The following TMPRSS9 variants were observed in gnomAD, a reference collection of about 807,000 sequenced individuals.
TMPRSS9 encodes transmembrane serine protease 9.
TMPRSS9 carries 113 observed loss-of-function variants against 111.4 expected under a neutral mutation model. The ratio of observed to expected loss-of-function variants is 1.01; its 90% confidence interval spans 0.87 to 1.19. The LOEUF (loss-of-function observed/expected upper bound fraction) is 1.19. TMPRSS9 is among the 50% of genes most tolerant of loss of function. TMPRSS9 has a pLI of 0.00. For synonymous variants in TMPRSS9, 805 were observed against 659.1 expected (o/e 1.22, Z -3.39); for missense variants, 1,803 against 1,513.1 (o/e 1.19, Z -3.18).
At chr19:2,401,080 C>T (rs1011279380) in intron 4 of TMPRSS9, among the ~76,000 whole-genome samples, 11 of 150,610 alleles carry the variant, frequency 7.3e-5, no homozygotes, top group Non-Finnish European at 1.2e-4. Flanking sequence ...CGAGACCATC[C>T]TGGCTAACAC....
chr19:2,386,023 C>T (rs968312479), upstream of TMPRSS9, among the ~76,000 whole-genome samples: 1 of 152,084 alleles, frequency 6.6e-6, no homozygotes, highest in African/African-American at 2.4e-5. Flanking sequence ...CAGGTCCTTG[C>T]AGCCTCAACC....
chr19:2,365,946 AGAGT>A (rs1167486541), intron 1 of TMPRSS9, among the ~76,000 whole-genome samples: 2 of 152,052 alleles, frequency 1.3e-5, no homozygotes, highest in Admixed American at 6.6e-5. Context: ...CCTGGGTGAT[AGAGT>A]GAGATTCTGT....
At chr19:2,412,188 G>A (rs1971110402) in intron 9 of TMPRSS9, among the ~76,000 whole-genome samples, 1 of 152,042 alleles carries the variant, frequency 6.6e-6, no homozygotes, top group African/African-American at 2.4e-5. Context: ...GAGGCCAGGA[G>A]TTTGAGACCA....
intron 1 of TMPRSS9, among the ~76,000 whole-genome samples, chr19:2,381,445 C>A (rs1021672190): frequency 5.9e-5 from 9 of 151,554 alleles, no homozygotes; most frequent in African/African-American, 2.2e-4. Context: ...ATCTCGGTGT[C>A]TTTTGTTTCT....
intron 2 of TMPRSS9, among the ~76,000 whole-genome samples, chr19:2,398,405 TCA>T (rs1275901168): frequency 1.3e-5 from 2 of 151,608 alleles, no homozygotes. Flanking sequence ...GATCACAAGG[TCA>T]GGAGTTCGAG....
chr19:2,398,983 C>T (rs1033885151), intron 3 of TMPRSS9, 35 bp from the exon 5 acceptor site: 1 of 1,597,240 alleles, frequency 6.3e-7, no homozygotes, highest in Non-Finnish European at 8.5e-7. Context: ...GGCGGAGCCC[C>T]TCCCTCTCCA....
At chr19:2,396,793 AC>A in intron 2 of TMPRSS9, 127 bp downstream of exon 3, 1 of 1,351,536 alleles carries the variant, frequency 7.4e-7, no homozygotes, top group Non-Finnish European at 9.9e-7. Flanking sequence ...AGGCTGTGAG[AC>A]CGGGAGGCCA....
At chr19:2,379,931 T>C (rs569841038) in intron 1 of TMPRSS9, among the ~76,000 whole-genome samples, 37 of 151,972 alleles carry the variant, frequency 2.4e-4, no homozygotes, top group African/African-American at 8.7e-4. Flanking sequence ...CTATTTTTTA[T>C]AGAGATGGGG....
rs929445801 is a variant in TMPRSS9 at position 2,381,349 on chromosome 19, TGTGTGTGTGTGTGC to T, written c.-25-8398_-25-8385del. On this transcript the variant is annotated intron_variant, in intron 1 of 17. Coordinates refer to the TMPRSS9 transcript ENST00000649857. ...GAGGCAGCTGGGGTTGAATGAACACTGTGTGTGTGTGTGCGTGTGTGTGTGTGTGTTGGGGAGTG... is the reference window on the plus strand; with the variant it reads ...GAGGCAGCTGGGGTTGAATGAACACTGTGTGTGTGTGTGTGTTGGGGAGTG... Among the ~76,000 whole-genome samples the T allele has an allele frequency of 1.5e-4, 22 of 150,642 alleles. No individual in the cohort carries two copies. The East Asian group carries it at 3.1e-3, about 21-fold the overall frequency.
In TMPRSS9 at chr19:2,416,823, C is replaced by T; in HGVS notation, c.2017+14C>T. ...AGGAAGGAAATGGTGAGCGCTGCCC[C>T]ATCGAGGGGAACGGTGGATTTATTC... On this transcript the variant is annotated intron_variant, in intron 12 of 17. Transcript: ENST00000648592. 1 of 1,593,866 alleles carries T rather than the reference C, an allele frequency of 6.3e-7. No individual in the cohort carries two copies. Among genetic ancestry groups the T allele is most frequent in the Non-Finnish European group, 8.5e-7 (1 of 1,171,118 alleles).
At chr19:2,395,252 T>G (rs1359217011) in intron 1 of TMPRSS9, among the ~76,000 whole-genome samples, 1 of 151,860 alleles carries the variant, frequency 6.6e-6, no homozygotes, top group African/African-American at 2.4e-5. Context: ...ATCCAGTCTG[T>G]ACTAAAAATA....
In TMPRSS9 at chr19:2,416,809, G is replaced by T. The variant is rs1352225713; in HGVS notation, c.2017G>T (p.Ala673Ser). Residue 673 changes from alanine (A) to serine (S), a missense_variant and splice_region_variant, in exon 12 of 18, where the codon GCC (alanine) becomes TCC (serine). Coordinates refer to ENST00000648592, the Ensembl canonical transcript of TMPRSS9. Reference sequence around the variant, plus strand: ...ATGGGGAAATACGCAGGAAGGAAATGGTGAGCGCTGCCCCATCGAGGGGAA... The same window carrying T: ...ATGGGGAAATACGCAGGAAGGAAATTGTGAGCGCTGCCCCATCGAGGGGAA... The T allele has an allele frequency of 3.1e-6, 5 of 1,605,638 alleles. No individual in the cohort carries two copies. The East Asian group carries it at 1.1e-4, about 36-fold the overall frequency.
intron 1 of TMPRSS9, among the ~76,000 whole-genome samples, chr19:2,373,728 G>T (rs190527939): frequency 6.6e-6 from 1 of 152,308 alleles, no homozygotes; most frequent in African/African-American, 2.4e-5. Flanking sequence ...TCGAACTCCT[G>T]GCCTCAAGCG....
intron 1 of TMPRSS9, among the ~76,000 whole-genome samples, chr19:2,383,926 C>T (rs142011829): frequency 1.3e-5 from 2 of 152,208 alleles, no homozygotes; most frequent in East Asian, 3.9e-4. Flanking sequence ...ATAGACTGAA[C>T]CATCCCAGGG....
At chr19:2,363,789 A>AGTGTGTGTGT (rs1195621397) in intron 1 of TMPRSS9, among the ~76,000 whole-genome samples, 1 of 90,700 alleles carries the variant, frequency 1.1e-5, no homozygotes, top group Admixed American at 1.1e-4. Flanking sequence ...TCTGTGTGTG[A>AGTGTGTGTGT]GTGTGTGTGT....
chr19:2,405,366 T>TCTTGCAGAGTGTGGCTTGCAGCCTGC lies in TMPRSS9; in HGVS notation c.671-5_691dup. ...TGGGGTCATGGCTGGTGACCTGCTG[T>TCTTGCAGAGTGTGGCTTGCAGCCTGC]CTTGCAGAGTGTGGCTTGCAGCCTG... On this transcript the variant is annotated splice_region_variant and splice_polypyrimidine_tract_variant and intron_variant, in intron 6 of 17. Coordinates refer to ENST00000648592, the Ensembl canonical transcript of TMPRSS9. 1 of 1,591,254 alleles carries TCTTGCAGAGTGTGGCTTGCAGCCTGC rather than the reference T, an allele frequency of 6.3e-7. No individual in the cohort carries two copies.
At chr19:2,415,997 C>T (rs1400506874) in intron 11 of TMPRSS9, among the ~76,000 whole-genome samples, 156 bp downstream of exon 12, 1 of 152,140 alleles carries the variant, frequency 6.6e-6, no homozygotes, top group Non-Finnish European at 1.5e-5. Flanking sequence ...GAGCCGGTGC[C>T]AAGGCTTCTA....
intron 1 of TMPRSS9, 65 bp from the exon 3 acceptor site, chr19:2,396,474 G>A: frequency 6.7e-7 from 1 of 1,498,838 alleles, no homozygotes; most frequent in Non-Finnish European, 9.0e-7. Flanking sequence ...GGCCTGGGTG[G>A]CAGCTCAGCG....
intron 4 of TMPRSS9, among the ~76,000 whole-genome samples, chr19:2,401,068 A>G (rs1263954786): frequency 6.8e-6 from 1 of 147,754 alleles, no homozygotes. Context: ...AGGTCAGGAG[A>G]TCGAGACCAT....
Sources: gnomAD v4.1 joint callset for allele counts (sites outside exome capture counted in the v4.1 genomes callset) on GRCh38, gnomAD v4.1.1 for gene constraint, MANE v1.5 for transcripts, NCBI Gene and HGNC (gene_info 2026-07-23, HGNC 2026-07-21) for gene names.